PCDHA3: variants seen among roughly 807,000 people sequenced by gnomAD.
PCDHA3 encodes protocadherin alpha 3.
Under a neutral mutation model 62.2 loss-of-function variants are expected in PCDHA3, and 41 were observed. The ratio of observed to expected loss-of-function variants is 0.66; its 90% confidence interval spans 0.51 to 0.86. The LOEUF (loss-of-function observed/expected upper bound fraction) is 0.86, where lower values mean the gene tolerates loss of function less well. Among genes scored for constraint, PCDHA3 ranks in the 40% least tolerant of loss-of-function variants. PCDHA3 has a pLI of 0.00. For synonymous variants in PCDHA3, 640 were observed against 555.4 expected (o/e 1.15, Z -2.14); for missense variants, 1,304 against 1,241.2 (o/e 1.05, Z -0.76).
chr5:140,883,557 G>T, intron 1 of PCDHA3: 1 of 1,614,214 alleles, frequency 6.2e-7, no homozygotes, highest in South Asian at 1.1e-5. Flanking sequence ...GCGCGGGACG[G>T]GGGCTCGCCT....
intron 1 of PCDHA3, chr5:140,825,415 AAT>A (rs2150139433): frequency 1.7e-4 from 25 of 146,774 alleles, no homozygotes; most frequent in African/African-American, 4.7e-4. Flanking sequence ...TATTTTATAT[AAT>A]ATATATAATA....
chr5:140,934,705 C>T (rs1235956763), intron 1 of PCDHA3, among the ~76,000 whole-genome samples: 8 of 152,132 alleles, frequency 5.3e-5, no homozygotes, highest in African/African-American at 1.9e-4. Flanking sequence ...TCCTGGCCAT[C>T]TTACAAAAAG....
intron 1 of PCDHA3, chr5:140,875,963 T>C: frequency 4.3e-6 from 7 of 1,614,122 alleles, no homozygotes; most frequent in Non-Finnish European, 5.9e-6. Context: ...GATATCGGCG[T>C]AAACTCTCTT....
intron 1 of PCDHA3, among the ~76,000 whole-genome samples, chr5:140,976,410 G>C (rs1353790339): frequency 6.6e-6 from 1 of 152,074 alleles, no homozygotes; most frequent in Non-Finnish European, 1.5e-5. Context: ...AATTAGCCAG[G>C]TACGGTGGCA....
intron 1 of PCDHA3, chr5:140,835,770 T>G: frequency 6.2e-7 from 1 of 1,613,258 alleles, no homozygotes; most frequent in Non-Finnish European, 8.5e-7. Flanking sequence ...GTATACGGTG[T>G]TCGTGAAGGA....
intron 1 of PCDHA3, among the ~76,000 whole-genome samples, chr5:140,905,438 C>T (rs182288757): frequency 1.5e-4 from 23 of 152,228 alleles, no homozygotes; most frequent in Non-Finnish European, 2.4e-4. Flanking sequence ...TAACTACAGC[C>T]TTTTAGTATA....
intron 1 of PCDHA3, chr5:140,843,553 G>C (rs1275122592): frequency 1.3e-6 from 2 of 1,595,812 alleles, no homozygotes; most frequent in Non-Finnish European, 1.7e-6. Flanking sequence ...GCTCCAGTGC[G>C]GTGGGGAGCT....
intron 1 of PCDHA3, among the ~76,000 whole-genome samples, chr5:140,943,465 GA>G (rs1412044069): frequency 6.6e-6 from 1 of 152,022 alleles, no homozygotes. Flanking sequence ...CTAAATGTGG[GA>G]GATACAGTAA....
chr5:140,955,215 C>A (rs1313314138), intron 1 of PCDHA3, among the ~76,000 whole-genome samples: 1 of 152,148 alleles, frequency 6.6e-6, no homozygotes, highest in Non-Finnish European at 1.5e-5. Flanking sequence ...TAGCATGATG[C>A]CTCCAGCTTT....
chr5:140,822,597 G>A (rs1554128735), intron 1 of PCDHA3: 2 of 1,609,136 alleles, frequency 1.2e-6, no homozygotes, highest in Non-Finnish European at 1.7e-6. Flanking sequence ...GCATCAATAA[G>A]GAAATAGTGT....
intron 1 of PCDHA3, chr5:140,824,323 T>A: frequency 1.4e-6 from 1 of 698,316 alleles, no homozygotes; most frequent in South Asian, 1.9e-5. Context: ...ATCAGCTTTC[T>A]GTGATATTAA....
At chr5:140,835,806 T>G (rs1271549393) in intron 1 of PCDHA3, 2 of 1,612,866 alleles carry the variant, frequency 1.2e-6, no homozygotes, top group African/African-American at 2.7e-5. Flanking sequence ...CTGCCACATC[T>G]TCACTGTGTC....
At chr5:141,004,833 C>A (rs1421886072) in intron 3 of PCDHA3, among the ~76,000 whole-genome samples, 1 of 152,168 alleles carries the variant, frequency 6.6e-6, no homozygotes, top group Non-Finnish European at 1.5e-5. Flanking sequence ...TTAGATAGAT[C>A]AAAGTCATTA....
intron 1 of PCDHA3, among the ~76,000 whole-genome samples, chr5:140,891,857 C>G (rs1202628035): frequency 6.6e-6 from 1 of 152,194 alleles, no homozygotes; most frequent in Non-Finnish European, 1.5e-5. Context: ...GCCTGTCCCT[C>G]TCTTATGCTT....
chr5:140,857,507 G>T, intron 1 of PCDHA3: 2 of 1,598,302 alleles, frequency 1.3e-6, no homozygotes, highest in African/African-American at 1.3e-5. Context: ...GCAGGAGAAC[G>T]CCCTGGTGTC....
intron 1 of PCDHA3, among the ~76,000 whole-genome samples, chr5:140,937,638 C>A (rs1563161991): frequency 6.7e-6 from 1 of 150,048 alleles, no homozygotes; most frequent in East Asian, 2.1e-4. Flanking sequence ...AAAGGCAGGG[C>A]ATGGTGGCTC....
chr5:140,830,154 G>T (rs2150182095), intron 1 of PCDHA3: 1 of 1,613,332 alleles, frequency 6.2e-7, no homozygotes, highest in South Asian at 1.1e-5. Flanking sequence ...GGCGCCGCGG[G>T]CCCAGAGGCG....
intron 1 of PCDHA3, among the ~76,000 whole-genome samples, chr5:140,896,268 A>T (rs2065469707): frequency 6.6e-6 from 1 of 152,150 alleles, no homozygotes; most frequent in African/African-American, 2.4e-5. Context: ...CAGTTATGGG[A>T]TTTGCTGGCT....
In PCDHA3 at chr5:140,882,320, C is replaced by T. The variant is rs374687530; in HGVS notation, c.2394+78729C>T. The T allele has an allele frequency of 2.8e-5, 45 of 1,614,182 alleles. No homozygotes were observed. The African/African-American group carries it at 5.6e-4, about 20-fold the overall frequency. On this transcript the variant is annotated intron_variant, in intron 1 of 3. Coordinates refer to ENST00000522353, the MANE Select transcript of PCDHA3 (RefSeq NM_018906.3). ...AAGACCGCGGCAACTACTGCTCTGG[C>T]TTCTGATCCTCGCAGCCTGGGAGAC... is the stretch of plus-strand genomic sequence containing the variant.
Sources: gnomAD v4.1 joint callset for allele counts (sites outside exome capture counted in the v4.1 genomes callset) on GRCh38, gnomAD v4.1.1 for gene constraint, MANE v1.5 for transcripts, NCBI Gene and HGNC (gene_info 2026-07-23, HGNC 2026-07-21) for gene names.